TTC29: variants seen among roughly 807,000 people sequenced by gnomAD.
The protein encoded by TTC29 is tetratricopeptide repeat protein 29.
TTC29 carries 49 observed loss-of-function variants against 58.1 expected under a neutral mutation model. The observed-to-expected ratio is 0.84, with a 90% CI of 0.67 to 1.07. The LOEUF (loss-of-function observed/expected upper bound fraction) is 1.07, where lower values mean the gene tolerates loss of function less well. Among genes scored for constraint, TTC29 ranks in the 50% least tolerant of loss-of-function variants. TTC29 has a pLI of 0.00. For missense variants in TTC29, 582 were observed against 555.6 expected (o/e 1.05, Z -0.48); for synonymous variants, 209 against 196.8 (o/e 1.06, Z -0.52).
intron 6 of TTC29, among the ~76,000 whole-genome samples, chr4:146,881,965 T>C (rs995639039): frequency 9.2e-5 from 14 of 152,150 alleles, no homozygotes; most frequent in African/African-American, 3.1e-4. Context: ...CTTTGTCATT[T>C]GGAGTGCTGA....
intron 9 of TTC29, among the ~76,000 whole-genome samples, chr4:146,825,199 G>A (rs541506723): frequency 4.6e-5 from 7 of 152,206 alleles, no homozygotes; most frequent in South Asian, 4.1e-4. Flanking sequence ...AGGTTAGCAT[G>A]TTTATTTTAG....
chr4:146,865,638 T>G (rs1236711689), intron 8 of TTC29, among the ~76,000 whole-genome samples: 1 of 152,126 alleles, frequency 6.6e-6, no homozygotes, highest in Non-Finnish European at 1.5e-5. Context: ...AATCTGCACA[T>G]GTACCCCTGA....
chr4:146,836,882 A>T (rs1262076740), intron 8 of TTC29, among the ~76,000 whole-genome samples: 1 of 152,132 alleles, frequency 6.6e-6, no homozygotes, highest in South Asian at 2.1e-4. Flanking sequence ...GAGAATGCTT[A>T]TACACTGTTG....
chr4:146,738,632 C>T (rs1196545886), intron 11 of TTC29, among the ~76,000 whole-genome samples: 1 of 152,076 alleles, frequency 6.6e-6, no homozygotes, highest in Non-Finnish European at 1.5e-5. Context: ...AGTCTTTTGT[C>T]ATAATGTTGG....
intron 11 of TTC29, among the ~76,000 whole-genome samples, chr4:146,780,621 A>C (rs1748521020): frequency 6.6e-6 from 1 of 151,856 alleles, no homozygotes. Context: ...TCAGCTTCTC[A>C]TATCTCTAGA....
At chr4:146,920,186 A>G (rs1302304046) in intron 4 of TTC29, among the ~76,000 whole-genome samples, 1 of 151,154 alleles carries the variant, frequency 6.6e-6, no homozygotes, top group African/African-American at 2.4e-5. Context: ...GAAGTTCTAC[A>G]TAATGTACAA....
intron 11 of TTC29, among the ~76,000 whole-genome samples, chr4:146,713,942 T>G (rs929651837): frequency 2.0e-5 from 3 of 152,208 alleles, no homozygotes; most frequent in African/African-American, 7.2e-5. Context: ...AAATAGTGTG[T>G]TAATGTCTTC....
At chr4:146,745,063 G>A (rs544696286) in intron 11 of TTC29, among the ~76,000 whole-genome samples, 4 of 152,176 alleles carry the variant, frequency 2.6e-5, no homozygotes, top group Non-Finnish European at 4.4e-5. Context: ...CAGATGCCTG[G>A]TATGGGCATT....
chr4:146,894,425 C>T (rs1480582419), intron 6 of TTC29, among the ~76,000 whole-genome samples: 1 of 150,704 alleles, frequency 6.6e-6, no homozygotes, highest in African/African-American at 2.4e-5. Context: ...CAAACTATCA[C>T]AAGGACAAAA....
At chr4:146,907,937 A>G (rs888454841) in intron 5 of TTC29, among the ~76,000 whole-genome samples, 3 of 152,132 alleles carry the variant, frequency 2.0e-5, no homozygotes, top group Admixed American at 6.6e-5. Context: ...TTCATAATAT[A>G]CATAACCACC....
chr4:146,912,061 G>C (rs1421151573), intron 4 of TTC29, among the ~76,000 whole-genome samples: 1 of 152,048 alleles, frequency 6.6e-6, no homozygotes, highest in African/African-American at 2.4e-5. Flanking sequence ...GAATTGCCTT[G>C]GGCCACACAT....
At chr4:146,755,678 T>G (rs1014302789) in intron 11 of TTC29, among the ~76,000 whole-genome samples, 1 of 151,380 alleles carries the variant, frequency 6.6e-6, no homozygotes, top group Admixed American at 6.6e-5. Flanking sequence ...GGCTTCATGA[T>G]AGTAACTTTT....
chr4:146,921,689 G>A (rs1734590599), intron 4 of TTC29, among the ~76,000 whole-genome samples: 1 of 150,928 alleles, frequency 6.6e-6, no homozygotes, highest in Admixed American at 6.6e-5. Context: ...AGAATAATGA[G>A]AAGACATCGA....
Position 146,865,511 on chromosome 4 carries a change from G to A in TTC29, c.885+1987C>T, listed in dbSNP as rs572721022. The stretch of plus-strand genomic sequence containing the variant: ...CATGGACATAAAGATGAGAACAATA[G>A]ACGACTAGAGGGAGGAGAGCAATGG... On this transcript the variant is annotated intron_variant, in intron 8 of 12. Coordinates refer to ENST00000325106, the MANE Select transcript of TTC29 (RefSeq NM_031956.4). 2.6e-5 allele frequency among the ~76,000 whole-genome samples: 4 copies of A among 152,270 alleles called. No individual in the cohort carries two copies. The South Asian group carries it at 8.3e-4, about 32-fold the overall frequency.
intron 6 of TTC29, among the ~76,000 whole-genome samples, chr4:146,898,704 T>C (rs1255174727): frequency 1.3e-5 from 2 of 152,202 alleles, no homozygotes; most frequent in African/African-American, 2.4e-5. Flanking sequence ...AATTTTCCTC[T>C]GGGTTTCCCA....
intron 11 of TTC29, among the ~76,000 whole-genome samples, chr4:146,755,411 C>T (rs943682076): frequency 6.6e-6 from 1 of 151,968 alleles, no homozygotes; most frequent in African/African-American, 2.4e-5. Flanking sequence ...TCTGAATAGC[C>T]AAAACAATTC....
At chr4:146,830,176 G>T (rs1390912858) in intron 9 of TTC29, among the ~76,000 whole-genome samples, 1 of 152,128 alleles carries the variant, frequency 6.6e-6, no homozygotes, top group African/African-American at 2.4e-5. Context: ...GGGGAAGAAT[G>T]ATATTATAAA....
At chr4:146,879,755 G>A (rs926103680) in intron 6 of TTC29, among the ~76,000 whole-genome samples, 1 of 152,132 alleles carries the variant, frequency 6.6e-6, no homozygotes, top group South Asian at 2.1e-4. Flanking sequence ...GAATTATCAA[G>A]TGTTGACATT....
intron 9 of TTC29, chr4:146,831,651 C>A: frequency 2.4e-6 from 1 of 416,324 alleles, no homozygotes; most frequent in South Asian, 1.7e-5. Context: ...CTGGTAGTGC[C>A]AAAATTCACC....
Sources: allele counts gnomAD v4.1 joint callset (sites outside exome capture counted in the v4.1 genomes callset), GRCh38; gene constraint gnomAD v4.1.1; transcripts MANE v1.5; gene names NCBI Gene and HGNC (gene_info 2026-07-23, HGNC 2026-07-21).